LRRC4C: variants seen among roughly 807,000 people sequenced by gnomAD.
LRRC4C encodes the protein leucine rich repeat containing 4C, also known as leucine-rich repeat-containing protein 4C.
In LRRC4C, 5 loss-of-function variants were observed where a neutral mutation model predicts 33.6. That is an observed-to-expected ratio of 0.15 (90% confidence interval 0.08 to 0.31). The LOEUF (loss-of-function observed/expected upper bound fraction) is 0.31, where lower values mean the gene tolerates loss of function less well. LRRC4C is among the 10% of genes least tolerant of loss of function. The pLI is 1.00. For missense variants in LRRC4C, 560 were observed against 796.7 expected (o/e 0.70, Z 3.58); for synonymous variants, 329 against 302.0 (o/e 1.09, Z -0.93).
chr11:40,738,387 C>A (rs912641845), intron 2 of LRRC4C, among the ~76,000 whole-genome samples: 1 of 152,040 alleles, frequency 6.6e-6, no homozygotes, highest in Non-Finnish European at 1.5e-5. Context: ...CCAAATAAAT[C>A]TCCTTTCATA....
At chr11:40,481,142 C>T (rs1219319165) in intron 3 of LRRC4C, among the ~76,000 whole-genome samples, 3 of 151,658 alleles carry the variant, frequency 2.0e-5, no homozygotes, top group Non-Finnish European at 4.4e-5. Context: ...AGGAAGCACT[C>T]AGTAAATGTT....
At chr11:41,237,084 A>C (rs1948057671) in intron 1 of LRRC4C, among the ~76,000 whole-genome samples, 2 of 152,220 alleles carry the variant, frequency 1.3e-5, no homozygotes, top group Admixed American at 1.3e-4. Context: ...ATGAACCTAA[A>C]ATGTTTCTAA....
chr11:41,325,577 T>TTTTGTGTG (rs202169756), intron 1 of LRRC4C, among the ~76,000 whole-genome samples: 3 of 104,154 alleles, frequency 2.9e-5, no homozygotes, highest in African/African-American at 6.8e-5. Context: ...TTTTTTTTTT[T>TTTTGTGTG]TGTGTGTGTG....
intron 5 of LRRC4C, among the ~76,000 whole-genome samples, chr11:40,239,697 A>G (rs1418971159): frequency 2.6e-5 from 4 of 152,228 alleles, no homozygotes; most frequent in East Asian, 1.9e-4. Flanking sequence ...CCTTGCTGCT[A>G]TCAGCCAGAA....
intron 5 of LRRC4C, among the ~76,000 whole-genome samples, chr11:40,173,116 T>A (rs1278355422): frequency 6.6e-6 from 1 of 151,954 alleles, no homozygotes; most frequent in Non-Finnish European, 1.5e-5. Flanking sequence ...ACTAGAGTGG[T>A]CAGAGAGTAC....
At chr11:40,565,407 T>G (rs1957716520) in intron 3 of LRRC4C, among the ~76,000 whole-genome samples, 1 of 152,194 alleles carries the variant, frequency 6.6e-6, no homozygotes, top group Non-Finnish European at 1.5e-5. Context: ...CATGCTAAAA[T>G]TATACTATCC....
At chr11:41,096,488 C>G (rs1425723306) in intron 1 of LRRC4C, among the ~76,000 whole-genome samples, 2 of 152,168 alleles carry the variant, frequency 1.3e-5, no homozygotes, top group Non-Finnish European at 2.9e-5. Context: ...TAAAAATGAA[C>G]AGCATTCTGG....
chr11:40,682,817 A>G (rs1944764684), intron 2 of LRRC4C, among the ~76,000 whole-genome samples: 1 of 152,042 alleles, frequency 6.6e-6, no homozygotes, highest in Non-Finnish European at 1.5e-5. Context: ...TTTCACAACA[A>G]ATTACAGATA....
intron 5 of LRRC4C, among the ~76,000 whole-genome samples, chr11:40,175,262 G>A (rs931303959): frequency 6.6e-6 from 1 of 152,212 alleles, no homozygotes; most frequent in African/African-American, 2.4e-5. Flanking sequence ...AATTCACAAA[G>A]TTGTATAGAT....
intron 2 of LRRC4C, among the ~76,000 whole-genome samples, chr11:40,662,681 G>C (rs1007565086): frequency 6.6e-6 from 1 of 152,182 alleles, no homozygotes; most frequent in African/African-American, 2.4e-5. Flanking sequence ...GTATTCTGGT[G>C]AGGATCAGGG....
At chr11:40,120,569 A>T (rs1855752750) in intron 6 of LRRC4C, among the ~76,000 whole-genome samples, 1 of 152,120 alleles carries the variant, frequency 6.6e-6, no homozygotes, top group African/African-American at 2.4e-5. Context: ...CATAGCATGC[A>T]AAATCCCTGA....
chr11:40,733,403 T>C (rs1947705871), intron 2 of LRRC4C, among the ~76,000 whole-genome samples: 1 of 152,120 alleles, frequency 6.6e-6, no homozygotes, highest in African/African-American at 2.4e-5. Context: ...TAAGGAGTTT[T>C]TGCCATATAT....
At chr11:40,427,861 C>T (rs1352945128) in intron 3 of LRRC4C, among the ~76,000 whole-genome samples, 1 of 151,736 alleles carries the variant, frequency 6.6e-6, no homozygotes, top group Non-Finnish European at 1.5e-5. Context: ...AAAAACAAAA[C>T]AAAACAAAAC....
At chr11:41,315,656 T>G (rs1950764983) in intron 1 of LRRC4C, among the ~76,000 whole-genome samples, 1 of 152,198 alleles carries the variant, frequency 6.6e-6, no homozygotes, top group South Asian at 2.1e-4. Flanking sequence ...AACTACTCCT[T>G]AAGCTGCCCT....
chr11:40,803,672 G>A (rs1234058219), intron 2 of LRRC4C, among the ~76,000 whole-genome samples: 4 of 151,814 alleles, frequency 2.6e-5, no homozygotes, highest in East Asian at 1.9e-4. Flanking sequence ...GGGTTTCACC[G>A]TCTCTACTAA....
intron 1 of LRRC4C, among the ~76,000 whole-genome samples, chr11:41,432,862 C>T (rs1422157651): frequency 6.6e-6 from 1 of 152,164 alleles, no homozygotes; most frequent in Non-Finnish European, 1.5e-5. Context: ...AAATATCCCT[C>T]AAAGCACTTT....
At chr11:41,449,250 G>A (rs1211201111) in intron 1 of LRRC4C, among the ~76,000 whole-genome samples, 1 of 152,154 alleles carries the variant, frequency 6.6e-6, no homozygotes, top group African/African-American at 2.4e-5. Context: ...AGTGGGCCTG[G>A]GGGCTTAGGC....
intron 2 of LRRC4C, among the ~76,000 whole-genome samples, chr11:40,747,124 T>C (rs1302453263): frequency 6.6e-6 from 1 of 151,888 alleles, no homozygotes; most frequent in South Asian, 2.1e-4. Context: ...GCTCAGCCCA[T>C]TGTTGCCACC....
chr11:40,161,321 T>G (rs1859136057), intron 5 of LRRC4C, among the ~76,000 whole-genome samples: 1 of 152,230 alleles, frequency 6.6e-6, no homozygotes, highest in African/African-American at 2.4e-5. Context: ...AAATGTTTAC[T>G]TGAGACTAGG....
Sources: allele counts gnomAD v4.1 joint callset (sites outside exome capture counted in the v4.1 genomes callset), GRCh38; gene constraint gnomAD v4.1.1; transcripts MANE v1.5; gene names NCBI Gene and HGNC (gene_info 2026-07-23, HGNC 2026-07-21).